Variants in SHOC2 observed in about 807,000 individuals in gnomAD.
The protein encoded by SHOC2 is SHOC2 leucine rich repeat scaffold protein.
Under a neutral mutation model 50.2 loss-of-function variants are expected in SHOC2, and 4 were observed. That is an observed-to-expected ratio of 0.08 (90% CI 0.04 to 0.18). SHOC2 has a LOEUF of 0.18. SHOC2 is among the 10% of genes least tolerant of loss of function. The pLI, the probability that SHOC2 is intolerant of heterozygous loss-of-function variation, is 1.00. For synonymous variants in SHOC2, 218 were observed against 244.5 expected, an observed-to-expected ratio of 0.89 and a Z score of 1.01; for missense variants, 388 against 669.6, an observed-to-expected ratio of 0.58 and a Z score of 4.64.
intron 1 of SHOC2, among the ~76,000 whole-genome samples, chr10:110,950,312 A>C (rs1048450688): frequency 2.6e-5 from 4 of 151,620 alleles, no homozygotes; most frequent in African/African-American, 9.7e-5. Flanking sequence ...AAAGGAATAA[A>C]TTTAACAAAG....
intron 1 of SHOC2, among the ~76,000 whole-genome samples, chr10:110,958,220 C>CTTT (rs34136641): frequency 2.7e-4 from 39 of 145,526 alleles, no homozygotes; most frequent in Middle Eastern, 3.5e-3. Context: ...TTCTTTCTTT[C>CTTT]TTTTTTTTTT....
At chr10:110,990,778 A>T (rs958173808) in intron 3 of SHOC2, among the ~76,000 whole-genome samples, 5 of 152,166 alleles carry the variant, frequency 3.3e-5, no homozygotes, top group African/African-American at 1.2e-4. Flanking sequence ...AACAAAAAAA[A>T]ACACAACAAA....
At chr10:110,959,514 C>T (rs1008010237) in intron 1 of SHOC2, among the ~76,000 whole-genome samples, 18 of 152,192 alleles carry the variant, frequency 1.2e-4, no homozygotes, top group Non-Finnish European at 1.5e-4. Flanking sequence ...TTCCAAAATA[C>T]TGTAGCTAAA....
At position 110,951,511 on chromosome 10, in the gene SHOC2, T is replaced by TGATC. The variant is rs541823593; in HGVS notation, c.-234-12613_-234-12610dup. On this transcript the variant is annotated intron_variant, in intron 1 of 8. Coordinates refer to ENST00000369452, the MANE Select transcript of SHOC2 (RefSeq NM_007373.4). ...AAATTAAAAAGAGAACTACCATATA[T>TGATC]GATCCATCAATCTCATTTCTTTGAC... The TGATC allele has an allele frequency of 1.2e-4, 18 of 152,332 alleles. 1 individual carries two copies. The East Asian group carries it at 3.1e-3, about 26-fold the overall frequency. 9.4% of individuals were successfully genotyped at this position (152,332 alleles called of 1,614,324 possible). A position where few individuals can be genotyped will look rare whatever the true frequency, so the allele number is the denominator to read the frequency against.
At chr10:110,948,885 A>G (rs748160663) in intron 1 of SHOC2, among the ~76,000 whole-genome samples, 14 of 152,320 alleles carry the variant, frequency 9.2e-5, no homozygotes, top group African/African-American at 2.6e-4. Context: ...ATGTGACCCA[A>G]TACAGACTTG....
chr10:110,942,205 TTAA>T (rs1182360968), intron 1 of SHOC2, among the ~76,000 whole-genome samples: 1 of 152,354 alleles, frequency 6.6e-6, no homozygotes, highest in Non-Finnish European at 1.5e-5. Flanking sequence ...AAGACATTTG[TTAA>T]TAATTCCACT....
intron 1 of SHOC2, among the ~76,000 whole-genome samples, chr10:110,938,256 G>A (rs915026999): frequency 2.6e-5 from 4 of 151,990 alleles, no homozygotes; most frequent in African/African-American, 4.8e-5. Context: ...TTTACCTGTG[G>A]CACCTGAGAG....
chr10:110,990,506 G>A (rs181532937), intron 3 of SHOC2, among the ~76,000 whole-genome samples: 1 of 146,010 alleles, frequency 6.8e-6, no homozygotes, highest in Non-Finnish European at 1.5e-5. Context: ...TCGAAACTCT[G>A]TATCTAACTA....
At chr10:111,009,951 A>T in intron 8 of SHOC2, 121 bp downstream of exon 8, 1 of 559,690 alleles carries the variant, frequency 1.8e-6, no homozygotes, top group South Asian at 2.3e-5. Context: ...CAGGCTTAAG[A>T]TTTTTTTTTT....
chr10:110,949,054 C>T (rs1590792531), intron 1 of SHOC2, among the ~76,000 whole-genome samples: 1 of 151,962 alleles, frequency 6.6e-6, no homozygotes, highest in East Asian at 1.9e-4. Context: ...AAACCTTGTA[C>T]TAGAATCCAA....
At chr10:110,997,666 A>T (rs1298422319) in intron 3 of SHOC2, among the ~76,000 whole-genome samples, 1 of 152,178 alleles carries the variant, frequency 6.6e-6, no homozygotes, top group Non-Finnish European at 1.5e-5. Context: ...AACATCTATT[A>T]TGTATCTGTT....
At chr10:110,930,735 C>CTTTTTTTTTTTTTTTTTTTTTTTTTTTT (rs772553111) in intron 1 of SHOC2, among the ~76,000 whole-genome samples, 1 of 96,806 alleles carries the variant, frequency 1.0e-5, no homozygotes, top group Admixed American at 1.4e-4. Context: ...ACGAGTAAAT[C>CTTTTTTTTTTTTTTTTTTTTTTTTTTTT]TTTTTTTTTT....
intron 2 of SHOC2, among the ~76,000 whole-genome samples, chr10:110,970,157 G>T (rs1847752097): frequency 6.6e-6 from 1 of 152,138 alleles, no homozygotes; most frequent in Non-Finnish European, 1.5e-5. Flanking sequence ...CTATCTAGCT[G>T]TAGTTTTGTG....
intron 3 of SHOC2, among the ~76,000 whole-genome samples, chr10:110,991,717 G>T (rs1159683882): frequency 6.6e-6 from 1 of 152,060 alleles, no homozygotes; most frequent in Non-Finnish European, 1.5e-5. Context: ...TTGACGTTTG[G>T]GTCTTGGTCT....
chr10:110,955,178 G>A (rs1197163831), intron 1 of SHOC2, among the ~76,000 whole-genome samples: 1 of 152,020 alleles, frequency 6.6e-6, no homozygotes, highest in Non-Finnish European at 1.5e-5. Flanking sequence ...AAAGTATGTG[G>A]GAATCAGCAG....
chr10:110,957,456 A>G (rs1261874586), intron 1 of SHOC2, among the ~76,000 whole-genome samples: 6 of 152,012 alleles, frequency 3.9e-5, no homozygotes, highest in Admixed American at 3.9e-4. Flanking sequence ...TGGTGTGTAT[A>G]ATGCCGCATG....
At chr10:110,945,533 T>G (rs1847230632) in intron 1 of SHOC2, among the ~76,000 whole-genome samples, 1 of 152,220 alleles carries the variant, frequency 6.6e-6, no homozygotes. Flanking sequence ...CTGATAAAGT[T>G]GATTCTATTT....
intron 1 of SHOC2, among the ~76,000 whole-genome samples, chr10:110,955,226 A>G (rs939518182): frequency 1.3e-5 from 2 of 152,206 alleles, no homozygotes; most frequent in Non-Finnish European, 2.9e-5. Context: ...GAGAGAGACG[A>G]TGAGAGCTTG....
intron 1 of SHOC2, among the ~76,000 whole-genome samples, chr10:110,942,769 T>G (rs1442249415): frequency 1.3e-5 from 2 of 152,230 alleles, no homozygotes; most frequent in Non-Finnish European, 2.9e-5. Context: ...TAGCAATGAA[T>G]TCTTCTGGTA....
Sources: gnomAD v4.1 joint callset for allele counts (sites outside exome capture counted in the v4.1 genomes callset) on GRCh38, gnomAD v4.1.1 for gene constraint, MANE v1.5 for transcripts, NCBI Gene and HGNC (gene_info 2026-07-23, HGNC 2026-07-21) for gene names.